CDK15: variants seen among roughly 807,000 people sequenced by gnomAD.
CDK15 encodes cyclin dependent kinase 15, also known as cyclin-dependent kinase 15.
CDK15 carries 62 observed loss-of-function variants against 60.3 expected under a neutral mutation model. The ratio of observed to expected loss-of-function variants is 1.03; its 90% confidence interval spans 0.84 to 1.27. The LOEUF (loss-of-function observed/expected upper bound fraction) is 1.27, where lower values mean the gene tolerates loss of function less well. Among genes scored for constraint, CDK15 ranks in the 50% most tolerant of loss-of-function variants. CDK15 has a pLI of 0.00. For missense variants in CDK15, 541 were observed against 527.8 expected (o/e 1.03, Z -0.25); for synonymous variants, 194 against 195.7 (o/e 0.99, Z 0.07).
chr2:201,845,388 A>G (rs927599115), intron 8 of CDK15, among the ~76,000 whole-genome samples: 1 of 152,206 alleles, frequency 6.6e-6, no homozygotes, highest in African/African-American at 2.4e-5. Context: ...AACCAGACAC[A>G]AAGCAATTTT....
intron 11 of CDK15, among the ~76,000 whole-genome samples, chr2:201,879,055 C>T: frequency 6.6e-6 from 1 of 152,196 alleles, no homozygotes; most frequent in Admixed American, 6.5e-5. Context: ...TCCTGTGTCT[C>T]CCAAAGCCAA....
At chr2:201,827,070 T>C (rs1481606228) in intron 6 of CDK15, among the ~76,000 whole-genome samples, 1 of 152,226 alleles carries the variant, frequency 6.6e-6, no homozygotes, top group Non-Finnish European at 1.5e-5. Flanking sequence ...TGGCCTGAAA[T>C]ACAGAATATA....
rs761335927 is a variant in CDK15 at position 201,835,771 on chromosome 2, T to C, written c.851+8T>C. ...CTCTGAGCTGGACATATGGTAAGAGTGGTGCCGAGAAAATGTGAGTCATCC... is the reference window on the plus strand; with the variant it reads ...CTCTGAGCTGGACATATGGTAAGAGCGGTGCCGAGAAAATGTGAGTCATCC... On this transcript the variant is annotated splice_region_variant and intron_variant, in intron 8 of 13. Coordinates refer to ENST00000652192, the MANE Select transcript of CDK15 (RefSeq NM_001366386.2). The C allele has an allele frequency of 4.6e-6, 7 of 1,517,762 alleles. No individual in the cohort carries two copies. The highest frequency in any genetic ancestry group is 1.8e-4 in the Middle Eastern group (1 of 5,620). 94.0% of individuals were successfully genotyped at this position (1,517,762 alleles called of 1,614,324 possible).
At chr2:201,888,309 G>C in intron 12 of CDK15, 1 of 1,273,998 alleles carries the variant, frequency 7.8e-7, no homozygotes, top group Non-Finnish European at 1.0e-6. Context: ...AGACTAAAAA[G>C]ACAACTATCT....
At chr2:201,871,898 C>G (rs993654784) in intron 10 of CDK15, among the ~76,000 whole-genome samples, 1 of 151,966 alleles carries the variant, frequency 6.6e-6, no homozygotes, top group Non-Finnish European at 1.5e-5. Flanking sequence ...CTCTGACGCA[C>G]GTCTATTTCT....
chr2:201,858,776 GA>G (rs920504198), intron 10 of CDK15, among the ~76,000 whole-genome samples: 5 of 151,648 alleles, frequency 3.3e-5, no homozygotes, highest in Admixed American at 6.6e-5. Context: ...TTCACCAAGG[GA>G]AAAAAAATAA....
rs762575378 is a variant in CDK15 at position 201,835,670 on chromosome 2, G to C, written c.758G>C (p.Ser253Thr). 38 of 1,609,504 alleles carry C rather than the reference G, an allele frequency of 2.4e-5. No homozygotes were observed. Among genetic ancestry groups the C allele is most frequent in the Non-Finnish European group, 3.2e-5 (38 of 1,177,296 alleles). The change falls in exon 8 of 14, where the codon AGC (serine) becomes ACC (threonine). Residue 253 changes from serine (S) to threonine (T), a missense_variant. By Grantham distance (58) the Ser-to-Thr change is moderately conservative (BLOSUM62 1). Coordinates refer to ENST00000652192, the MANE Select transcript of CDK15 (RefSeq NM_001366386.2). Reference sequence around the variant, plus strand: ...CTTGCCCGGGCCAAGTCCATTCCCAGCCAGACATACTCTTCAGAAGTCGTG... The same window carrying C: ...CTTGCCCGGGCCAAGTCCATTCCCACCCAGACATACTCTTCAGAAGTCGTG... ...FGLARAKSIPSQTYSSEVVTL... is the reference protein window; with the variant it reads ...FGLARAKSIPTQTYSSEVVTL...
At chr2:201,860,070 A>C (rs983802645) in intron 10 of CDK15, among the ~76,000 whole-genome samples, 1 of 152,184 alleles carries the variant, frequency 6.6e-6, no homozygotes, top group Non-Finnish European at 1.5e-5. Flanking sequence ...TGATTGTTTC[A>C]TCCAACTCCT....
chr2:201,812,168 T>G, intron 3 of CDK15, among the ~76,000 whole-genome samples: 1 of 124,836 alleles, frequency 8.0e-6, no homozygotes, highest in Non-Finnish European at 1.6e-5. Context: ...AGCGAGATTC[T>G]GTCTCAAAAA....
intron 11 of CDK15, among the ~76,000 whole-genome samples, chr2:201,876,333 G>A (rs970849587): frequency 2.6e-5 from 4 of 152,192 alleles, no homozygotes; most frequent in Non-Finnish European, 5.9e-5. Context: ...AGTAACATTT[G>A]TTTTCCCGGG....
chr2:201,837,183 G>A (rs1697131444), intron 8 of CDK15, among the ~76,000 whole-genome samples: 1 of 151,616 alleles, frequency 6.6e-6, no homozygotes, highest in African/African-American at 2.4e-5. Context: ...AACACTTCAG[G>A]AGGCTGAAGT....
chr2:201,888,432 AC>A (rs1699536607), intron 12 of CDK15: 4 of 1,530,450 alleles, frequency 2.6e-6, no homozygotes, highest in African/African-American at 2.8e-5. Context: ...ATTTTTAAAC[AC>A]CCGCTTTCAT....
At chr2:201,880,552 A>G (rs1488685571) in intron 12 of CDK15, among the ~76,000 whole-genome samples, 1 of 152,180 alleles carries the variant, frequency 6.6e-6, no homozygotes, top group Non-Finnish European at 1.5e-5. Context: ...CTTTCTGCGG[A>G]GAGTAAGATG....
At chr2:201,830,190 C>T (rs1696688636) in intron 6 of CDK15, among the ~76,000 whole-genome samples, 1 of 152,126 alleles carries the variant, frequency 6.6e-6, no homozygotes, top group African/African-American at 2.4e-5. Flanking sequence ...ATCCTCCTGC[C>T]TTGGCCTCCC....
At chr2:201,890,254 G>A (rs1477221329) in intron 12 of CDK15, among the ~76,000 whole-genome samples, 1 of 152,122 alleles carries the variant, frequency 6.6e-6, no homozygotes, top group Admixed American at 6.5e-5. Flanking sequence ...CTCCCAGTCT[G>A]TCTTGTTCTA....
At chr2:201,840,365 C>T (rs1284392719) in intron 8 of CDK15, among the ~76,000 whole-genome samples, 4 of 152,134 alleles carry the variant, frequency 2.6e-5, no homozygotes, top group Non-Finnish European at 4.4e-5. Context: ...TTTTAACCTA[C>T]CAATGAAAGG....
chr2:201,816,569 G>C (rs1050492316), intron 4 of CDK15, among the ~76,000 whole-genome samples: 1 of 141,872 alleles, frequency 7.0e-6, no homozygotes, highest in Non-Finnish European at 1.5e-5. Flanking sequence ...CCATGTCTTT[G>C]CTATTGTGAA....
chr2:201,877,649 A>G (rs1315624017), intron 11 of CDK15, among the ~76,000 whole-genome samples: 2 of 151,694 alleles, frequency 1.3e-5, no homozygotes, highest in Admixed American at 6.6e-5. Context: ...GCCCTAAAAA[A>G]CCTCTGCCTG....
chr2:201,836,774 C>A (rs576236898), intron 8 of CDK15, among the ~76,000 whole-genome samples: 19 of 150,112 alleles, frequency 1.3e-4, no homozygotes, highest in South Asian at 4.3e-4. Context: ...CACACATGTC[C>A]AAACGTAGTT....
Sources: gnomAD v4.1 joint callset for allele counts (sites outside exome capture counted in the v4.1 genomes callset) on GRCh38, gnomAD v4.1.1 for gene constraint, MANE v1.5 for transcripts, NCBI Gene and HGNC (gene_info 2026-07-23, HGNC 2026-07-21) for gene names.